The following TOGARAM1 variants were observed in gnomAD, a reference collection of about 807,000 sequenced individuals.
The protein encoded by TOGARAM1 is TOG array regulator of axonemal microtubules 1.
Under a neutral mutation model 166.6 loss-of-function variants are expected in TOGARAM1, and 100 were observed. That is an observed-to-expected ratio of 0.60 (90% confidence interval 0.51 to 0.71). TOGARAM1 has a LOEUF of 0.71. Ranked by LOEUF, TOGARAM1 falls within the 30% of genes least tolerant of loss-of-function variation. The pLI is 0.00. For missense variants in TOGARAM1, 2,029 were observed against 2,102.7 expected (o/e 0.96, Z 0.69); for synonymous variants, 758 against 763.8 (o/e 0.99, Z 0.13).
chr14:45,032,410 G>A (rs763905788), intron 11 of TOGARAM1, 34 bp downstream of exon 11: 23 of 1,558,060 alleles, frequency 1.5e-5, no homozygotes, highest in Admixed American at 2.0e-5. Context: ...AAACTAAGCA[G>A]AGTTCAAAAG....
At chr14:45,027,868 T>A (rs1880944720) in intron 9 of TOGARAM1, among the ~76,000 whole-genome samples, 1 of 148,830 alleles carries the variant, frequency 6.7e-6, no homozygotes, top group Admixed American at 6.7e-5. Flanking sequence ...AGTGAAACTG[T>A]CTCAAGAAAA....
rs774550576 is a variant in TOGARAM1, at chr14:44,963,256, G to T, written c.835G>T (p.Ala279Ser). The change falls in exon 1 of 20, where the codon GCA becomes TCA. Residue 279 changes from alanine (A) to serine (S), a missense_variant. Physicochemically the swap from Ala to Ser is moderately conservative, Grantham distance 99. Transcript: ENST00000361462. ...TEEESETAFS[A>S]LQQIGERLGQ... ...AGAAGAATCTGAGACAGCTTTCTCC[G>T]CACTTCAACAAATTGGGGAGCGACT... 11 of 1,614,150 alleles carry T rather than the reference G, an allele frequency of 6.8e-6. No homozygotes were observed. Among genetic ancestry groups the T allele is most frequent in the Non-Finnish European group, 9.3e-6 (11 of 1,180,032 alleles).
chr14:45,044,938 A>G lies in TOGARAM1; in HGVS notation c.4154+68A>G, dbSNP rs1594686424. 10 of 1,196,972 alleles carry G rather than the reference A, an allele frequency of 8.4e-6. No individual in the cohort carries two copies. The East Asian group carries it at 2.5e-4, about 30-fold the overall frequency. The allele number at this position is 1,196,972 out of a possible 1,614,324, so 74.1% of individuals were successfully genotyped here. On this transcript the variant is annotated intron_variant, in intron 13 of 19. Coordinates refer to ENST00000361462, the MANE Select transcript of TOGARAM1 (RefSeq NM_001308120.2). Reference sequence around the variant, plus strand: ...GAAATGTTGCAATCGGGACTGTAGAAAAGAAACAAGCAAATCTTAGTAGTA... The same window carrying G: ...GAAATGTTGCAATCGGGACTGTAGAGAAGAAACAAGCAAATCTTAGTAGTA...
chr14:45,072,507 A>G (rs1464237836), intron 19 of TOGARAM1, among the ~76,000 whole-genome samples: 1 of 151,590 alleles, frequency 6.6e-6, no homozygotes, highest in Non-Finnish European at 1.5e-5. Flanking sequence ...GCTAATTGCA[A>G]CCTCCGCCTC....
chr14:44,993,610 G>A (rs150312289), intron 1 of TOGARAM1, among the ~76,000 whole-genome samples: 103 of 151,746 alleles, frequency 6.8e-4, no homozygotes, highest in African/African-American at 2.2e-3. Flanking sequence ...TCATTGTTTC[G>A]TCCCATCAAA....
intron 7 of TOGARAM1, among the ~76,000 whole-genome samples, chr14:45,012,965 C>T (rs544868252): frequency 2.0e-5 from 3 of 152,156 alleles, no homozygotes; most frequent in Admixed American, 2.0e-4. Flanking sequence ...GAAACTGTTC[C>T]CCACAGTGCA....
rs2138948842 is a variant in TOGARAM1, at chr14:45,043,687, G to T, written c.3814G>T (p.Glu1272Ter). 6.4e-7 allele frequency: 1 copy of T among 1,557,264 alleles called. No individual in the cohort carries two copies. Among genetic ancestry groups the T allele is most frequent in the Non-Finnish European group, 8.9e-7 (1 of 1,128,444 alleles). The change falls in exon 12 of 20, where the codon GAG becomes TAG. Residue 1272 changes from glutamate to a stop codon, truncating the protein, a stop_gained and splice_region_variant. Transcript: ENST00000361462. LOFTEE classifies it high-confidence loss of function. ...TCTTGTCATTTCTTTTTCTCATAGG[G>T]AGAAGAAAATTGAGGGACTGAATTT... is the stretch of plus-strand genomic sequence containing the variant. ...ALRLLADEDW[E>*]KKIEGLNFIR...
intron 15 of TOGARAM1, among the ~76,000 whole-genome samples, chr14:45,053,703 T>C (rs560984930): frequency 6.6e-6 from 1 of 152,188 alleles, no homozygotes; most frequent in East Asian, 1.9e-4. Flanking sequence ...GCAGATTGCA[T>C]CTGTGAGTCT....
intron 16 of TOGARAM1, among the ~76,000 whole-genome samples, chr14:45,062,923 C>A (rs1250995200): frequency 1.3e-5 from 2 of 152,104 alleles, no homozygotes; most frequent in Non-Finnish European, 2.9e-5. Context: ...ATTGTTGTCA[C>A]CTTAAAAGAA....
intron 3 of TOGARAM1, among the ~76,000 whole-genome samples, chr14:45,001,877 C>T (rs544510486): frequency 2.6e-5 from 4 of 152,144 alleles, no homozygotes; most frequent in Admixed American, 1.3e-4. Flanking sequence ...GATTGGAGAC[C>T]GGTTATCAGT....
chr14:45,054,694 G>T (rs113347110), intron 16 of TOGARAM1, 145 bp downstream of exon 16: 4 of 587,248 alleles, frequency 6.8e-6, no homozygotes, highest in African/African-American at 3.8e-5. Flanking sequence ...AAAGTGTGAG[G>T]TAATTAGATT....
At chr14:44,991,156 C>T (rs1887108521) in intron 1 of TOGARAM1, among the ~76,000 whole-genome samples, 1 of 151,698 alleles carries the variant, frequency 6.6e-6, no homozygotes, top group Non-Finnish European at 1.5e-5. Flanking sequence ...TGGGGTCTTG[C>T]CATGTTGCCC....
At chr14:45,025,250 A>G (rs1274016929) in intron 7 of TOGARAM1, among the ~76,000 whole-genome samples, 1 of 151,886 alleles carries the variant, frequency 6.6e-6, no homozygotes, top group East Asian at 1.9e-4. Flanking sequence ...CTCACACCTC[A>G]CCCTGACATG....
intron 14 of TOGARAM1, among the ~76,000 whole-genome samples, chr14:45,050,095 G>A (rs551412983): frequency 1.1e-4 from 15 of 139,778 alleles, no homozygotes; most frequent in African/African-American, 3.7e-4. Context: ...TAACATTCCA[G>A]GCTAAACATT....
Position 45,073,492 on chromosome 14 carries a change from A to T in TOGARAM1, c.5253A>T (p.Ala1751=), listed in dbSNP as rs1197444208. 3.1e-6 allele frequency: 5 copies of T among 1,614,054 alleles called. No individual in the cohort carries two copies. Among genetic ancestry groups the T allele is most frequent in the Non-Finnish European group, 4.2e-6 (5 of 1,180,016 alleles). ...QMGQNLLNQA[A]SQPPHIKKSL... is the part of the protein sequence containing the mutation. ...GTCAGAATCTGTTAAATCAGGCTGC[A>T]TCTCAACCACCACATATCAAAAAGA... Residue 1751 remains alanine, a synonymous_variant, in exon 20 of 20, where the codon GCA becomes GCT. Transcript: ENST00000361462.
intron 16 of TOGARAM1, among the ~76,000 whole-genome samples, chr14:45,064,095 G>A (rs1883031317): frequency 3.3e-5 from 5 of 152,034 alleles, no homozygotes; most frequent in Admixed American, 3.3e-4. Flanking sequence ...CCCCCGCTCT[G>A]GTTGTGGGCC....
In TOGARAM1 at chr14:45,024,963, T is replaced by C. The variant is rs76910447; in HGVS notation, c.3239-820T>C. 4.3e-3 allele frequency among the ~76,000 whole-genome samples: 659 copies of C among 152,314 alleles called. 6 individuals are homozygous for C. The highest frequency in any genetic ancestry group is 7.4e-3 in the Non-Finnish European group (503 of 68,028). ...TTCTTTTTTTGCCTTGATACATTCA[T>C]CTAACATATATTTATGGAATACCTG... is the stretch of plus-strand genomic sequence containing the variant. On this transcript the variant is annotated intron_variant, in intron 7 of 19. Coordinates refer to ENST00000361462, the MANE Select transcript of TOGARAM1 (RefSeq NM_001308120.2).
At chr14:45,056,344 G>A (rs989138151) in intron 16 of TOGARAM1, among the ~76,000 whole-genome samples, 14 of 152,018 alleles carry the variant, frequency 9.2e-5, no homozygotes, top group African/African-American at 3.4e-4. Flanking sequence ...GACTTTTGCA[G>A]TTGGGTGCCT....
In TOGARAM1 at chr14:45,066,666, T is replaced by C. The variant is rs1326418251; in HGVS notation, c.4648T>C (p.Leu1550=). The change falls in exon 17 of 20, where the codon TTA becomes CTA. Residue 1550 remains leucine, a synonymous_variant. Transcript: ENST00000361462. ...SAEYLKLITG[L]LNAKDFRDRI... ...TGAGTACCTTAAACTCATAACTGGC[T>C]TATTAAATGCAAAAGACTTTCGTGA... 6.2e-7 allele frequency: 1 copy of C among 1,614,004 alleles called. No individual in the cohort carries two copies. Among genetic ancestry groups the C allele is most frequent in the South Asian group, 1.1e-5 (1 of 91,070 alleles).
Sources: allele counts gnomAD v4.1 joint callset (sites outside exome capture counted in the v4.1 genomes callset), GRCh38; gene constraint gnomAD v4.1.1; transcripts MANE v1.5; gene names NCBI Gene and HGNC (gene_info 2026-07-23, HGNC 2026-07-21).